The following SNRPA1 variants were observed in gnomAD, a reference collection of about 807,000 sequenced individuals.
SNRPA1 encodes the protein small nuclear ribonucleoprotein polypeptide A'.
Under a neutral mutation model 32.3 loss-of-function variants are expected in SNRPA1, and 5 were observed. That is an observed-to-expected ratio of 0.15 (90% CI 0.08 to 0.33). The LOEUF (loss-of-function observed/expected upper bound fraction) is 0.33. Among genes scored for constraint, SNRPA1 ranks in the 10% least tolerant of loss-of-function variants. SNRPA1 has a pLI of 1.00. For missense variants in SNRPA1, 198 were observed against 311.1 expected, an observed-to-expected ratio of 0.64 and a Z score of 2.74; for synonymous variants, 111 against 120.1, an observed-to-expected ratio of 0.92 and a Z score of 0.50.
Position 101,295,117 on chromosome 15 carries a change from T to C in SNRPA1, c.62A>G (p.Asp21Gly). Residue 21 changes from aspartate (D) to glycine (G), a missense_variant, in exon 1 of 9, where the codon GAC becomes GGC. By Grantham distance (94) the Asp-to-Gly change is moderately conservative. This residue lies in a region of SNRPA1 where 119 missense variants were observed against 171.6 expected (regional missense o/e 0.69). Coordinates refer to ENST00000254193, the MANE Select transcript of SNRPA1 (RefSeq NM_003090.4). ...CTCACCCCGGAGGTCCAGCTCCCGG[T>C]CGCGCACCGCGTTGGTGTACTGCGC... ...QAAQYTNAVR[D>G]RELDLRGYKI... is the part of the protein sequence containing the mutation. The C allele has an allele frequency of 6.5e-7, 1 of 1,540,622 alleles. No homozygotes were observed. The highest frequency in any genetic ancestry group is 8.7e-7 in the Non-Finnish European group (1 of 1,147,330).
At position 101,288,244 on chromosome 15, in the gene SNRPA1, A is replaced by ATT. The variant is rs34548866; in HGVS notation, c.310-544_310-543dup. 1.9e-3 allele frequency: 245 copies of ATT among 131,500 alleles called. 3 individuals carry two copies. Among genetic ancestry groups the ATT allele is most frequent in the Middle Eastern group, 8.0e-3 (2 of 250 alleles). 8.1% of individuals were successfully genotyped at this position (131,500 alleles called of 1,614,324 possible). On this transcript the variant is annotated intron_variant, in intron 3 of 8. Coordinates refer to ENST00000254193, the MANE Select transcript of SNRPA1 (RefSeq NM_003090.4). ...GAATTAATGGAAAGAAGGCAGGGTG[A>ATT]TTTTTTTTTTTTTTTTTTTTGAGAC...
chr15:101,295,217 T>C lies in SNRPA1; in HGVS notation c.-39A>G. The C allele has an allele frequency of 1.3e-6, 2 of 1,485,108 alleles. No individual in the cohort carries two copies. Among genetic ancestry groups the C allele is most frequent in the South Asian group, 1.3e-5 (1 of 78,156 alleles). The allele number at this position is 1,485,108 out of a possible 1,614,324, so 92.0% of individuals were successfully genotyped here. A position where few individuals can be genotyped will look rare whatever the true frequency, so the allele number is the denominator to read the frequency against. On this transcript the variant is annotated 5_prime_UTR_variant, in exon 1 of 9. Coordinates refer to ENST00000254193, the MANE Select transcript of SNRPA1 (RefSeq NM_003090.4). ...GTTCCCCCGCGCTGTGGAAAGCCCG[T>C]GGCCTCCCGCCAGCGAGACGTCCCA...
Position 101,284,990 on chromosome 15 carries a change from A to G in SNRPA1, c.686T>C (p.Ile229Thr). ...RLKGLLQSGQ[I>T]PGRERRSGPT... ...ACCTGATCTGCGTTCTCTGCCAGGG[A>G]TCTGACCAGACTGCAGCAACCCCTT... Residue 229 changes from isoleucine to threonine, a missense_variant, in exon 8 of 9, where the codon ATC becomes ACC. Physicochemically the swap from Ile to Thr is moderately conservative, Grantham distance 89. Around this residue, in one of 3 missense-constraint regions of SNRPA1, gnomAD observed 77 missense variants for 120.1 expected, o/e 0.64. Transcript: ENST00000254193. 6.2e-7 allele frequency: 1 copy of G among 1,613,786 alleles called. No individual in the cohort carries two copies. Among genetic ancestry groups the G allele is most frequent in the Non-Finnish European group, 8.5e-7 (1 of 1,179,710 alleles).
chr15:101,284,401 T>C (rs1005473939), intron 8 of SNRPA1, among the ~76,000 whole-genome samples: 3 of 152,200 alleles, frequency 2.0e-5, no homozygotes, highest in African/African-American at 7.2e-5. Flanking sequence ...AAAGTCCACA[T>C]GGCTATCGCT....
intron 1 of SNRPA1, 47 bp from the exon 2 acceptor site, chr15:101,293,219 C>A: frequency 1.5e-6 from 2 of 1,348,976 alleles, no homozygotes; most frequent in East Asian, 2.4e-5. Flanking sequence ...TATAACTAAA[C>A]AGTTGCCCCT....
At chr15:101,292,151 C>A in intron 2 of SNRPA1, 111 bp from the exon 3 acceptor site, 1 of 746,088 alleles carries the variant, frequency 1.3e-6, no homozygotes. Context: ...CTTCTTCCAA[C>A]ACCCTGATAA....
intron 7 of SNRPA1, 138 bp downstream of exon 7, chr15:101,285,588 C>T: frequency 1.6e-6 from 1 of 625,236 alleles, no homozygotes; most frequent in African/African-American, 1.9e-5. Context: ...CTAGTTTTTC[C>T]TTAAACAGAA....
At chr15:101,294,812 CCAAG>C (rs754484280) in intron 1 of SNRPA1, 3 of 374,198 alleles carry the variant, frequency 8.0e-6, no homozygotes, top group Non-Finnish European at 1.4e-5. Context: ...GGCGAAACAG[CCAAG>C]CAAGGCCTAA....
Position 101,290,626 on chromosome 15 carries a change from CAG to C in SNRPA1, c.309+1334_309+1335del, listed in dbSNP as rs776703030. 1.0e-3 allele frequency among the ~76,000 whole-genome samples: 151 copies of C among 149,672 alleles called. 3 individuals are homozygous for C. Among genetic ancestry groups the C allele is most frequent in the Non-Finnish European group, 8.6e-4 (58 of 67,790 alleles). Reference sequence around the variant, plus strand: ...TTGCACTATTGCCCAGACTGGAGTACAGAGACATGATCATGTCTCACTGCAGC... The same window carrying C: ...TTGCACTATTGCCCAGACTGGAGTACAGACATGATCATGTCTCACTGCAGC... On this transcript the variant is annotated intron_variant, in intron 3 of 8. Coordinates refer to ENST00000254193, the MANE Select transcript of SNRPA1 (RefSeq NM_003090.4).
At chr15:101,282,999 C>G (rs1423693382) in intron 8 of SNRPA1, among the ~76,000 whole-genome samples, 3 of 150,916 alleles carry the variant, frequency 2.0e-5, no homozygotes, top group African/African-American at 7.5e-5. Context: ...ATGTGCACCC[C>G]CTTTCTGTCA....
chr15:101,284,507 C>CTTT (rs58361573), intron 8 of SNRPA1, among the ~76,000 whole-genome samples: 34,324 of 142,436 alleles, frequency 0.24, 4,896 homozygotes, highest in Non-Finnish European at 0.33. Flanking sequence ...CATGAAATAC[C>CTTT]TTTTTTTTTT....
intron 8 of SNRPA1, among the ~76,000 whole-genome samples, chr15:101,282,855 A>C (rs2039412362): frequency 6.6e-6 from 1 of 152,174 alleles, no homozygotes; most frequent in Non-Finnish European, 1.5e-5. Flanking sequence ...TTTTGCTTTA[A>C]ACCTTGAATT....
intron 2 of SNRPA1, 28 bp downstream of exon 2, chr15:101,292,997 A>G (rs1187547723): frequency 1.3e-6 from 2 of 1,538,896 alleles, no homozygotes; most frequent in African/African-American, 2.8e-5. Context: ...TCTAGGGGAA[A>G]AAATTACTTT....
Position 101,286,225 on chromosome 15 carries a change from C to T in SNRPA1, c.528G>A (p.Arg176=). ...RGAQLAKDIA[R]RSKTFNPGAG... ...TATCCGTGTCTTACGTTTTGCTTCTCCTGGCAATATCCTTTGCAAGCTGTG... is the reference window on the plus strand; with the variant it reads ...TATCCGTGTCTTACGTTTTGCTTCTTCTGGCAATATCCTTTGCAAGCTGTG... The change falls in exon 6 of 9, where the codon AGG becomes AGA. Residue 176 remains arginine, a synonymous_variant. Transcript: ENST00000254193. 1.2e-6 allele frequency: 2 copies of T among 1,614,016 alleles called. No homozygotes were observed. Among genetic ancestry groups the T allele is most frequent in the Non-Finnish European group, 1.7e-6 (2 of 1,179,920 alleles).
chr15:101,292,546 A>G (rs915691799), intron 2 of SNRPA1, among the ~76,000 whole-genome samples: 1 of 152,136 alleles, frequency 6.6e-6, no homozygotes, highest in Admixed American at 6.5e-5. Flanking sequence ...GGGTCAAAAA[A>G]GATCTCAATT....
Position 101,295,241 on chromosome 15 carries a change from C to A in SNRPA1, c.-63G>T. ...GTGGCCTCCCGCCAGCGAGACGTCCCAGCGTGCCCCGCGCCCCGCCGCCAG... is the reference window on the plus strand; with the variant it reads ...GTGGCCTCCCGCCAGCGAGACGTCCAAGCGTGCCCCGCGCCCCGCCGCCAG... On this transcript the variant is annotated 5_prime_UTR_variant, in exon 1 of 9. Transcript: ENST00000254193. 7.3e-7 allele frequency: 1 copy of A among 1,370,464 alleles called. No homozygotes were observed. Among genetic ancestry groups the A allele is most frequent in the Non-Finnish European group, 9.7e-7 (1 of 1,035,988 alleles). 84.9% of individuals were successfully genotyped at this position (1,370,464 alleles called of 1,614,324 possible). A position where few individuals can be genotyped will look rare whatever the true frequency, so the allele number is the denominator to read the frequency against.
Position 101,294,862 on chromosome 15 carries a change from G to A in SNRPA1, c.82+235C>T. On this transcript the variant is annotated intron_variant, in intron 1 of 8. Coordinates refer to ENST00000254193, the MANE Select transcript of SNRPA1 (RefSeq NM_003090.4). ...CGAGGACGCACCAGGAAGTAATGAA[G>A]TCACCCGTGCCTGTCAAGAGGCACG... The A allele has an allele frequency of 7.1e-6, 3 of 422,186 alleles. 1 individual carries two copies. Among genetic ancestry groups the A allele is most frequent in the South Asian group, 1.1e-4 (2 of 18,420 alleles). The allele number at this position is 422,186 out of a possible 1,614,324, so 26.2% of individuals were successfully genotyped here. A position where few individuals can be genotyped will look rare whatever the true frequency, so the allele number is the denominator to read the frequency against.
chr15:101,287,628 A>C (rs1436721891), intron 4 of SNRPA1, 28 bp downstream of exon 4: 2 of 1,595,944 alleles, frequency 1.3e-6, no homozygotes, highest in African/African-American at 2.7e-5. Context: ...AAAGGGCTTC[A>C]TTTTGTCACA....
chr15:101,284,846 T>C (rs376401009), intron 8 of SNRPA1, 121 bp downstream of exon 8: 7 of 759,906 alleles, frequency 9.2e-6, no homozygotes, highest in African/African-American at 8.5e-5. Context: ...AGATTTCATA[T>C]ATTAGATTTG....
Sources: gnomAD v4.1 joint callset for allele counts (sites outside exome capture counted in the v4.1 genomes callset) on GRCh38, gnomAD v4.1.1 for gene constraint, gnomAD v4.1.1 regional missense constraint, MANE v1.5 for transcripts, NCBI Gene and HGNC (gene_info 2026-07-23, HGNC 2026-07-21) for gene names.